KLHL1: variants seen among roughly 807,000 people sequenced by gnomAD.
The protein encoded by KLHL1 is kelch like family member 1, also known as kelch-like protein 1.
Under a neutral mutation model 77.7 loss-of-function variants are expected in KLHL1, and 47 were observed. The observed-to-expected ratio is 0.60, with a 90% CI of 0.48 to 0.77. KLHL1 has a LOEUF of 0.77. Ranked by LOEUF, KLHL1 falls within the 30% of genes least tolerant of loss-of-function variation. The probability of loss-of-function intolerance (pLI) is 0.00; values close to 1 mark genes in which losing one functional copy is unlikely to be tolerated. For synonymous variants in KLHL1, 360 were observed against 325.2 expected, an observed-to-expected ratio of 1.11 and a Z score of -1.15; for missense variants, 925 against 910.8, an observed-to-expected ratio of 1.02 and a Z score of -0.20.
intron 1 of KLHL1, among the ~76,000 whole-genome samples, chr13:70,016,071 A>G (rs1885649705): frequency 6.6e-6 from 1 of 152,206 alleles, no homozygotes; most frequent in African/African-American, 2.4e-5. Context: ...ACTCAAACAC[A>G]TTTGTAAATA....
chr13:69,771,829 A>G (rs1875583332), intron 7 of KLHL1, among the ~76,000 whole-genome samples: 1 of 152,178 alleles, frequency 6.6e-6, no homozygotes, highest in Non-Finnish European at 1.5e-5. Context: ...AAAATGGTCA[A>G]ATTAGGAAGA....
chr13:69,828,837 C>T (rs947248684), intron 6 of KLHL1, among the ~76,000 whole-genome samples: 4 of 149,928 alleles, frequency 2.7e-5, no homozygotes, highest in African/African-American at 1.0e-4. Flanking sequence ...CCATAATCCC[C>T]CTGGGAAAGT....
At chr13:70,082,700 A>C (rs1449475577) in intron 1 of KLHL1, among the ~76,000 whole-genome samples, 3 of 152,202 alleles carry the variant, frequency 2.0e-5, no homozygotes, top group Non-Finnish European at 4.4e-5. Context: ...GGTAGCAAAG[A>C]CACAGAATCA....
intron 4 of KLHL1, among the ~76,000 whole-genome samples, chr13:69,903,067 A>G (rs1464799239): frequency 6.6e-6 from 1 of 152,122 alleles, no homozygotes; most frequent in Non-Finnish European, 1.5e-5. Flanking sequence ...ATCTATTCAA[A>G]TAGATGGATT....
intron 7 of KLHL1, among the ~76,000 whole-genome samples, chr13:69,762,499 A>T (rs757805764): frequency 5.9e-5 from 9 of 151,820 alleles, no homozygotes; most frequent in Non-Finnish European, 1.0e-4. Flanking sequence ...TCTAAAATCC[A>T]TGTCTTCTGG....
intron 9 of KLHL1, among the ~76,000 whole-genome samples, chr13:69,715,783 C>G (rs1876095145): frequency 6.6e-6 from 1 of 151,774 alleles, no homozygotes; most frequent in Non-Finnish European, 1.5e-5. Flanking sequence ...CTGACTCCAG[C>G]AATAATATAT....
chr13:69,722,848 A>G lies in KLHL1; in HGVS notation c.1803-3267T>C, dbSNP rs1225855955. Among the ~76,000 whole-genome samples, 8 of 152,202 alleles carry G rather than the reference A, an allele frequency of 5.3e-5. No individual in the cohort carries two copies. The East Asian group carries it at 9.7e-4, about 18-fold the overall frequency. On this transcript the variant is annotated intron_variant, in intron 8 of 10. Coordinates refer to ENST00000377844, the MANE Select transcript of KLHL1 (RefSeq NM_020866.3). ...TATTCAAAGGAAATGAAACCAGTATATAAGAGAAACAGCTGCACTTCCATG... is the reference window on the plus strand; with the variant it reads ...TATTCAAAGGAAATGAAACCAGTATGTAAGAGAAACAGCTGCACTTCCATG...
chr13:69,935,923 T>G (rs939734233), intron 4 of KLHL1, among the ~76,000 whole-genome samples: 4 of 152,180 alleles, frequency 2.6e-5, no homozygotes, highest in Non-Finnish European at 4.4e-5. Context: ...GGAGAATGCT[T>G]CTTCTCTTGT....
intron 1 of KLHL1, among the ~76,000 whole-genome samples, chr13:70,007,143 C>G (rs1173127883): frequency 2.6e-5 from 4 of 151,866 alleles, no homozygotes; most frequent in Non-Finnish European, 5.9e-5. Context: ...AATATGAGAA[C>G]TTATCAACAA....
Position 69,760,512 on chromosome 13 carries a change from C to A in KLHL1, c.1640-19956G>T, listed in dbSNP as rs372595966. Among the ~76,000 whole-genome samples, 8 of 152,106 alleles carry A rather than the reference C, an allele frequency of 5.3e-5. No homozygotes were observed. The South Asian group carries it at 6.2e-4, about 12-fold the overall frequency. ...CTGGGATCACAGGCATGTACCACCA[C>A]ACCCGGCTAATTTTTTATTTTTAGT... On this transcript the variant is annotated intron_variant, in intron 7 of 10. Coordinates refer to ENST00000377844, the MANE Select transcript of KLHL1 (RefSeq NM_020866.3).
intron 1 of KLHL1, among the ~76,000 whole-genome samples, chr13:70,052,620 A>T (rs1194071719): frequency 6.6e-6 from 1 of 151,864 alleles, no homozygotes; most frequent in Non-Finnish European, 1.5e-5. Context: ...ATGTGCCCAT[A>T]TTTATTAACT....
intron 1 of KLHL1, among the ~76,000 whole-genome samples, chr13:70,085,836 C>T (rs903290735): frequency 6.6e-6 from 1 of 152,086 alleles, no homozygotes; most frequent in East Asian, 1.9e-4. Context: ...TGCACTCCAG[C>T]GTGGAAACAG....
chr13:70,066,056 C>T (rs1886998735), intron 1 of KLHL1, among the ~76,000 whole-genome samples: 1 of 152,120 alleles, frequency 6.6e-6, no homozygotes, highest in South Asian at 2.1e-4. Context: ...GTTTTTTAAA[C>T]TACAGACTAT....
At chr13:69,902,585 G>T (rs1881905544) in intron 4 of KLHL1, among the ~76,000 whole-genome samples, 1 of 152,092 alleles carries the variant, frequency 6.6e-6, no homozygotes, top group Admixed American at 6.5e-5. Context: ...TACAAAAAAT[G>T]ATGAGTTCAT....
chr13:69,704,225 C>T (rs755195998), intron 10 of KLHL1, among the ~76,000 whole-genome samples: 1 of 151,532 alleles, frequency 6.6e-6, no homozygotes, highest in Non-Finnish European at 1.5e-5. Flanking sequence ...CCTTGTGTTT[C>T]TTATGTCAGT....
At chr13:70,074,748 A>AC (rs1887219619) in intron 1 of KLHL1, among the ~76,000 whole-genome samples, 1 of 151,570 alleles carries the variant, frequency 6.6e-6, no homozygotes, top group Non-Finnish European at 1.5e-5. Flanking sequence ...AAGCAAGAAA[A>AC]AAAAAAAATT....
intron 6 of KLHL1, among the ~76,000 whole-genome samples, chr13:69,816,380 C>T (rs1164707509): frequency 6.6e-6 from 1 of 151,552 alleles, no homozygotes; most frequent in Admixed American, 6.6e-5. Context: ...TCTGCCTCAG[C>T]TTCCTGAGTA....
chr13:70,067,860 C>T (rs1887047177), intron 1 of KLHL1, among the ~76,000 whole-genome samples: 1 of 152,024 alleles, frequency 6.6e-6, no homozygotes, highest in Non-Finnish European at 1.5e-5. Flanking sequence ...ACCAGTGGAG[C>T]AAAATTTTAC....
chr13:69,990,794 T>G (rs1356361271), intron 1 of KLHL1, among the ~76,000 whole-genome samples: 1 of 151,908 alleles, frequency 6.6e-6, no homozygotes, highest in Non-Finnish European at 1.5e-5. Context: ...ACTCAACACT[T>G]GACCAAATGG....
Sources: allele counts gnomAD v4.1 joint callset (sites outside exome capture counted in the v4.1 genomes callset), GRCh38; gene constraint gnomAD v4.1.1; transcripts MANE v1.5; gene names NCBI Gene and HGNC (gene_info 2026-07-23, HGNC 2026-07-21).